PDE6A: variants seen among roughly 807,000 people sequenced by gnomAD.
PDE6A encodes phosphodiesterase 6A, also known as rod cGMP-specific 3',5'-cyclic phosphodiesterase subunit alpha.
In PDE6A, 84 loss-of-function variants were observed where a neutral mutation model predicts 106.3. That is an observed-to-expected ratio of 0.79 (90% confidence interval 0.66 to 0.95). PDE6A has a LOEUF of 0.95. PDE6A is among the 40% of genes least tolerant of loss of function. PDE6A has a pLI of 0.00. For missense variants in PDE6A, 1,052 were observed against 1,084.9 expected, an observed-to-expected ratio of 0.97 and a Z score of 0.43; for synonymous variants, 394 against 386.6, an observed-to-expected ratio of 1.02 and a Z score of -0.23.
rs1247715440 is a variant in PDE6A at position 149,899,482 on chromosome 5, G to A, written c.1156C>T (p.Leu386Phe). The A allele has an allele frequency of 1.9e-6, 3 of 1,614,032 alleles. No individual in the cohort carries two copies. The African/African-American group carries it at 4.0e-5, about 22-fold the overall frequency. ...TTCTTGTTCACAATCGGCATTGAAA[G>A]CACATTTTTAATCATCCATCCAGAC... ...DESGWMIKNVLSMPIVNKKEE... is the reference protein window; with the variant it reads ...DESGWMIKNVFSMPIVNKKEE... The change falls in exon 9 of 22, where the codon CTT becomes TTT. Residue 386 changes from leucine (L) to phenylalanine (F), a missense_variant. This residue lies in a region of PDE6A where 913 missense variants were observed against 915.2 expected (regional missense o/e 1.00). Coordinates refer to ENST00000255266, the MANE Select transcript of PDE6A (RefSeq NM_000440.3).
intron 1 of PDE6A, among the ~76,000 whole-genome samples, chr5:149,938,666 T>C (rs1754248613): frequency 6.6e-6 from 1 of 152,220 alleles, no homozygotes; most frequent in South Asian, 2.1e-4. Context: ...AGATAAACTA[T>C]AAATAATTTT....
intron 13 of PDE6A, among the ~76,000 whole-genome samples, chr5:149,887,037 T>G (rs1212001479): frequency 6.6e-6 from 1 of 152,062 alleles, no homozygotes; most frequent in African/African-American, 2.4e-5. Context: ...GGGGAAGGGA[T>G]GATGTTGAGG....
chr5:149,875,405 C>T (rs995972619), intron 17 of PDE6A, among the ~76,000 whole-genome samples: 10 of 151,910 alleles, frequency 6.6e-5, no homozygotes, highest in Non-Finnish European at 1.0e-4. Context: ...CCTTCTTGCA[C>T]ATTTTTAAGT....
intron 17 of PDE6A, among the ~76,000 whole-genome samples, chr5:149,882,860 C>A (rs1760978337): frequency 6.6e-6 from 1 of 152,144 alleles, no homozygotes; most frequent in Non-Finnish European, 1.5e-5. Context: ...GAGTTTAAAA[C>A]CAGCCTAGGC....
chr5:149,928,200 T>C lies in PDE6A; in HGVS notation c.858+2828A>G, dbSNP rs528552078. On this transcript the variant is annotated intron_variant, in intron 4 of 21. Transcript: ENST00000255266. ...AAGCATTATGTACTACAGCTCATAA[T>C]TGTATGTGCTATATATATATATATA... is the stretch of plus-strand genomic sequence containing the variant. 8.2e-4 allele frequency among the ~76,000 whole-genome samples: 106 copies of C among 129,330 alleles called. 1 individual carries two copies. The highest frequency in any genetic ancestry group is 3.0e-3 in the African/African-American group (100 of 33,096). The allele number at this position is 129,330 out of a possible 152,430, so 84.8% of individuals were successfully genotyped here.
chr5:149,874,230 G>A (rs1293320360), intron 17 of PDE6A, among the ~76,000 whole-genome samples: 1 of 152,126 alleles, frequency 6.6e-6, no homozygotes, highest in Non-Finnish European at 1.5e-5. Context: ...ACAGGTTAAA[G>A]GGTTCAGTCC....
At chr5:149,928,231 A>ATATATATATATATATATATATATATTT in intron 4 of PDE6A, among the ~76,000 whole-genome samples, 1 of 19,746 alleles carries the variant, frequency 5.1e-5, no homozygotes, top group African/African-American at 4.8e-4. Flanking sequence ...ATATATATAT[A>ATATATATATATATATATATATATATTT]TTTTTTTTTT....
At chr5:149,861,077 G>A in intron 21 of PDE6A, 106 bp from the exon 22 acceptor site, 1 of 922,706 alleles carries the variant, frequency 1.1e-6, no homozygotes. Context: ...GGCTTTCAGT[G>A]GCCAACAGAT....
At chr5:149,907,583 T>G (rs971997599) in intron 6 of PDE6A, among the ~76,000 whole-genome samples, 14 of 152,296 alleles carry the variant, frequency 9.2e-5, no homozygotes, top group Admixed American at 6.5e-5. Context: ...ATATAACATT[T>G]TACTGTCTGC....
chr5:149,866,002 A>G (rs1444554342), intron 20 of PDE6A, among the ~76,000 whole-genome samples, 168 bp downstream of exon 20: 1 of 152,218 alleles, frequency 6.6e-6, no homozygotes, highest in Non-Finnish European at 1.5e-5. Flanking sequence ...CTGCAATCAC[A>G]TGAGACCCAT....
chr5:149,922,011 T>C (rs168651), intron 4 of PDE6A, among the ~76,000 whole-genome samples: 73,012 of 151,976 alleles, frequency 0.48, 19,132 homozygotes, highest in Non-Finnish European at 0.6. Context: ...CTAAGAAATT[T>C]ACCTTAAGAC....
In PDE6A at chr5:149,928,231, A is replaced by ATTT. The variant is rs1165259453; in HGVS notation, c.858+2794_858+2796dup. Among the ~76,000 whole-genome samples, 25 of 19,748 alleles carry ATTT rather than the reference A, an allele frequency of 1.3e-3. 1 individual carries two copies. The highest frequency in any genetic ancestry group is 8.1e-3 in the African/African-American group (17 of 2,094). The allele number at this position is 19,748 out of a possible 152,430, so 13.0% of individuals were successfully genotyped here. A position where few individuals can be genotyped will look rare whatever the true frequency, so the allele number is the denominator to read the frequency against. On this transcript the variant is annotated intron_variant, in intron 4 of 21. Transcript: ENST00000255266. ...GTGCTATATATATATATATATATAT[A>ATTT]TTTTTTTTTTTTTTTTTTTTGAGAC...
chr5:149,925,673 A>G (rs1317804931), intron 4 of PDE6A, among the ~76,000 whole-genome samples: 1 of 145,104 alleles, frequency 6.9e-6, no homozygotes, highest in Non-Finnish European at 1.5e-5. Context: ...TGCCACTGCA[A>G]TCCAGCATGG....
intron 19 of PDE6A, chr5:149,867,519 G>A: frequency 1.6e-6 from 1 of 644,630 alleles, no homozygotes. Flanking sequence ...GTAGACCTAG[G>A]GTGAGGCTTG....
intron 17 of PDE6A, among the ~76,000 whole-genome samples, chr5:149,877,734 A>T (rs1328942907): frequency 6.6e-6 from 1 of 152,212 alleles, no homozygotes; most frequent in African/African-American, 2.4e-5. Context: ...TAATGCCTTA[A>T]TTATAAGAGG....
At chr5:149,927,989 C>T (rs545255003) in intron 4 of PDE6A, among the ~76,000 whole-genome samples, 1 of 151,782 alleles carries the variant, frequency 6.6e-6, no homozygotes, top group African/African-American at 2.4e-5. Flanking sequence ...ACGCATGGAG[C>T]TCCCATCTCC....
chr5:149,922,710 C>T (rs1753757940), intron 4 of PDE6A, among the ~76,000 whole-genome samples: 1 of 151,958 alleles, frequency 6.6e-6, no homozygotes, highest in Non-Finnish European at 1.5e-5. Flanking sequence ...CTTTTGTAAT[C>T]AGGAAAAAAT....
chr5:149,893,866 TA>T (rs1196990427), intron 13 of PDE6A, among the ~76,000 whole-genome samples: 1 of 152,160 alleles, frequency 6.6e-6, no homozygotes, highest in Non-Finnish European at 1.5e-5. Flanking sequence ...TGCTCCCAGA[TA>T]GCTTGCCCCT....
chr5:149,882,255 G>GCC (rs879457141), intron 17 of PDE6A, among the ~76,000 whole-genome samples: 30 of 150,990 alleles, frequency 2.0e-4, no homozygotes, highest in African/African-American at 4.4e-4. Flanking sequence ...ACTTGCTGCT[G>GCC]CCCCCCCCGT....
Sources: allele counts gnomAD v4.1 joint callset (sites outside exome capture counted in the v4.1 genomes callset), GRCh38; gene constraint gnomAD v4.1.1; regional missense constraint gnomAD v4.1.1; transcripts MANE v1.5; gene names NCBI Gene and HGNC (gene_info 2026-07-23, HGNC 2026-07-21).